Variants in ZBTB46 observed in about 807,000 individuals in gnomAD.
ZBTB46 encodes the protein zinc finger and BTB domain containing 46.
Under a neutral mutation model 44.1 loss-of-function variants are expected in ZBTB46, and 8 were observed. That is an observed-to-expected ratio of 0.18 (90% CI 0.11 to 0.33). ZBTB46 has a LOEUF of 0.33. ZBTB46 is among the 10% of genes least tolerant of loss of function. ZBTB46 has a pLI of 1.00. For missense variants in ZBTB46, 651 were observed against 847.7 expected, an observed-to-expected ratio of 0.77 and a Z score of 2.88; for synonymous variants, 409 against 382.3, an observed-to-expected ratio of 1.07 and a Z score of -0.81.
intron 2 of ZBTB46, among the ~76,000 whole-genome samples, chr20:63,789,119 G>GA (rs377369963): frequency 7.2e-4 from 108 of 150,056 alleles, no homozygotes; most frequent in African/African-American, 2.6e-3. Flanking sequence ...ACCTGGCTGA[G>GA]ACTGTCTCAA....
rs2092827537 is a variant in ZBTB46 at position 63,827,711 on chromosome 20, TG to T, written c.-34+3385del. 2.0e-5 allele frequency among the ~76,000 whole-genome samples: 3 copies of T among 152,068 alleles called. No homozygotes were observed. In the East Asian group the frequency reaches 5.8e-4, roughly 29 times the overall value. Reference sequence around the variant, plus strand: ...TCAACTTTCTATTGTAAAATAGCTATGGTAGCAAATTTTTAATCCAGATAAT... The same window carrying T: ...TCAACTTTCTATTGTAAAATAGCTATGTAGCAAATTTTTAATCCAGATAAT... On this transcript the variant is annotated intron_variant, in intron 1 of 4. Transcript: ENST00000245663.
rs1474662658 is a variant in ZBTB46 at position 63,743,872 on chromosome 20, A to G, written c.*3058T>C. 1.3e-5 allele frequency: 2 copies of G among 152,556 alleles called. No individual in the cohort carries two copies. The highest frequency in any genetic ancestry group is 6.5e-5 in the Admixed American group (1 of 15,288). The allele number at this position is 152,556 out of a possible 1,614,324, so 9.5% of individuals were successfully genotyped here. A position where few individuals can be genotyped will look rare whatever the true frequency, so the allele number is the denominator to read the frequency against. On this transcript the variant is annotated 3_prime_UTR_variant, in exon 5 of 5. Transcript: ENST00000245663. ...AGCGATTACGAGAACCTCTTCCCCCAATAGTAGACACATCTCCAATACAAA... is the reference window on the plus strand; with the variant it reads ...AGCGATTACGAGAACCTCTTCCCCCGATAGTAGACACATCTCCAATACAAA...
rs1174135550 is a variant in ZBTB46 at position 63,747,205 on chromosome 20, C to T, written c.1495G>A (p.Gly499Ser). 8 of 1,604,108 alleles carry T rather than the reference C, an allele frequency of 5.0e-6. No homozygotes were observed. Among genetic ancestry groups the T allele is most frequent in the African/African-American group, 1.3e-5 (1 of 74,448 alleles). ...CGGCCAGCACAGTCGGTGCACACAC[C>T]GTGGCGCCTGGAGCCATGCCTGATG... Reference protein sequence around the residue: ...VGIRHGSRRHGVCTDCAGRGM... With the variant: ...VGIRHGSRRHSVCTDCAGRGM... Residue 499 changes from glycine to serine, a missense_variant, in exon 5 of 5, where the codon GGT becomes AGT. Gly to Ser is a moderately conservative substitution (Grantham distance 56). Coordinates refer to ENST00000245663, the MANE Select transcript of ZBTB46 (RefSeq NM_001369741.1).
chr20:63,807,368 T>A (rs1026500937), intron 1 of ZBTB46, among the ~76,000 whole-genome samples: 5 of 151,666 alleles, frequency 3.3e-5, no homozygotes, highest in African/African-American at 1.2e-4. Context: ...TTGAGTCAGT[T>A]TGGTCTCGCT....
chr20:63,804,070 T>C (rs1427580960), intron 1 of ZBTB46, among the ~76,000 whole-genome samples: 1 of 151,950 alleles, frequency 6.6e-6, no homozygotes, highest in Non-Finnish European at 1.5e-5. Context: ...CACCTCTCAC[T>C]GCCCTGCGCT....
chr20:63,808,521 G>A (rs11699536), intron 1 of ZBTB46, among the ~76,000 whole-genome samples: 1 of 151,968 alleles, frequency 6.6e-6, no homozygotes, highest in Non-Finnish European at 1.5e-5. Context: ...CTAGGGCAGG[G>A]CCTGGGCTCC....
intron 1 of ZBTB46, among the ~76,000 whole-genome samples, chr20:63,825,714 C>G (rs1234798577): frequency 6.6e-6 from 1 of 152,198 alleles, no homozygotes; most frequent in African/African-American, 2.4e-5. Flanking sequence ...CTTCGAGTTT[C>G]TTCATAACTC....
At position 63,809,540 on chromosome 20, in the gene ZBTB46, C is replaced by T. The variant is rs548002016; in HGVS notation, c.-33-18750G>A. ...CGGGAGACAGCAGGAGCTCCGCGAC[C>T]TCCCTTCCTCTCCCCTCTTCTCCCT... On this transcript the variant is annotated intron_variant, in intron 1 of 4. Coordinates refer to ENST00000245663, the MANE Select transcript of ZBTB46 (RefSeq NM_001369741.1). 3.9e-5 allele frequency among the ~76,000 whole-genome samples: 6 copies of T among 152,280 alleles called. No homozygotes were observed. In the East Asian group the frequency reaches 9.7e-4, roughly 24 times the overall value.
At chr20:63,802,948 G>C (rs2092658642) in intron 1 of ZBTB46, among the ~76,000 whole-genome samples, 1 of 152,214 alleles carries the variant, frequency 6.6e-6, no homozygotes, top group Non-Finnish European at 1.5e-5. Context: ...GATGTCTGTT[G>C]TTTACGACGT....
At chr20:63,750,628 G>A (rs2092151492) in intron 4 of ZBTB46, among the ~76,000 whole-genome samples, 1 of 152,070 alleles carries the variant, frequency 6.6e-6, no homozygotes. Flanking sequence ...GCCCTGGTCG[G>A]ACACAGTGGC....
chr20:63,768,595 A>T (rs1041679525), intron 3 of ZBTB46, among the ~76,000 whole-genome samples: 3 of 152,080 alleles, frequency 2.0e-5, no homozygotes, highest in Non-Finnish European at 4.4e-5. Context: ...TGACAAAGCC[A>T]GACTCTGTCT....
rs1016404247 is a variant in ZBTB46, at chr20:63,787,374, G to C, written c.937+2447C>G. Among the ~76,000 whole-genome samples the C allele has an allele frequency of 1.3e-5, 2 of 152,250 alleles. No homozygotes were observed. The highest frequency in any genetic ancestry group is 2.4e-5 in the African/African-American group (1 of 41,466). Reference sequence around the variant, plus strand: ...CCAAGTGTTTATAAAGTCTGCAGCAGTGCACAGTTCTGTCCTCAGCCTTCA... The same window carrying C: ...CCAAGTGTTTATAAAGTCTGCAGCACTGCACAGTTCTGTCCTCAGCCTTCA... On this transcript the variant is annotated intron_variant, in intron 2 of 4. Transcript: ENST00000245663. This position sits in a 1 kb window ranked among gnomAD's most constrained non-coding sequence, Gnocchi z 4.6.
chr20:63,820,195 G>A (rs2092783349), intron 1 of ZBTB46, among the ~76,000 whole-genome samples: 1 of 151,844 alleles, frequency 6.6e-6, no homozygotes, highest in Admixed American at 6.6e-5. Context: ...CCAGGTTCAC[G>A]CCATTCTCCC....
Position 63,801,525 on chromosome 20 carries a change from C to T in ZBTB46, c.-33-10735G>A, listed in dbSNP as rs371597804. ...CCAGCAGTGGCAACTTGCTGGGGTC[C>T]CCTTTCATACATTGAAAGTGTTGTT... On this transcript the variant is annotated intron_variant, in intron 1 of 4. Coordinates refer to ENST00000245663, the MANE Select transcript of ZBTB46 (RefSeq NM_001369741.1). 3.9e-5 allele frequency among the ~76,000 whole-genome samples: 6 copies of T among 152,150 alleles called. No homozygotes were observed. In the East Asian group the frequency reaches 5.8e-4, roughly 15 times the overall value.
At position 63,772,746 on chromosome 20, in the gene ZBTB46, CA is replaced by C. The variant is rs1568850294; in HGVS notation, c.1222+2931del. ...AAACACACACACACACACACACACA[CA>C]CACACACACACACACACACAGAAGT... is the stretch of plus-strand genomic sequence containing the variant. On this transcript the variant is annotated intron_variant, in intron 3 of 4. Transcript: ENST00000245663. Among the ~76,000 whole-genome samples, 758 of 150,518 alleles carry C rather than the reference CA, an allele frequency of 5.0e-3. 7 individuals carry two copies. The highest frequency in any genetic ancestry group is 0.016 in the African/African-American group (657 of 40,738).
At chr20:63,791,639 C>T (rs1189576033) in intron 1 of ZBTB46, among the ~76,000 whole-genome samples, 2 of 152,164 alleles carry the variant, frequency 1.3e-5, no homozygotes, top group African/African-American at 4.8e-5. Context: ...GGCTTCCTGG[C>T]TTAGGCCTGG....
At chr20:63,749,602 C>G (rs543162714) in intron 4 of ZBTB46, among the ~76,000 whole-genome samples, 1 of 152,372 alleles carries the variant, frequency 6.6e-6, no homozygotes, top group East Asian at 1.9e-4. Context: ...TCCCAAAGTG[C>G]TGGGATTACA....
At chr20:63,828,459 T>C (rs550131844) in intron 1 of ZBTB46, among the ~76,000 whole-genome samples, 1 of 152,332 alleles carries the variant, frequency 6.6e-6, no homozygotes, top group South Asian at 2.1e-4. Flanking sequence ...AGCAACAAGA[T>C]GAATTTTTCC....
chr20:63,819,342 C>T (rs2092778442), intron 1 of ZBTB46, among the ~76,000 whole-genome samples: 5 of 152,178 alleles, frequency 3.3e-5, no homozygotes, highest in Admixed American at 3.3e-4. Flanking sequence ...AGCTTTGCTC[C>T]CTCCAGGAGC....
Sources: allele counts gnomAD v4.1 joint callset (sites outside exome capture counted in the v4.1 genomes callset), GRCh38; gene constraint gnomAD v4.1.1; non-coding constraint Gnocchi (gnomAD v3.1); transcripts MANE v1.5; gene names NCBI Gene and HGNC (gene_info 2026-07-23, HGNC 2026-07-21).